Variants in NOP9 observed in about 807,000 individuals in gnomAD.
NOP9 encodes nucleolar protein 9.
Under a neutral mutation model 63.0 loss-of-function variants are expected in NOP9, and 50 were observed. That is an observed-to-expected ratio of 0.79 (90% CI 0.63 to 1.00). The LOEUF (loss-of-function observed/expected upper bound fraction) is 1.00, where lower values mean the gene tolerates loss of function less well. NOP9 is among the 50% of genes least tolerant of loss of function. The pLI is 0.00. For missense variants in NOP9, 758 were observed against 803.0 expected (o/e 0.94, Z 0.68); for synonymous variants, 343 against 332.8 (o/e 1.03, Z -0.33).
At chr14:24,281,719 A>G in the NOP9 span, among the ~76,000 whole-genome samples, 1 of 152,186 alleles carries the variant, frequency 6.6e-6, no homozygotes, top group African/African-American at 2.4e-5. Flanking sequence ...GGCTGGGTGA[A>G]AGAATGAGCA....
the NOP9 span, chr14:24,271,441 C>T: frequency 5.8e-5 from 15 of 256,502 alleles, no homozygotes; most frequent in East Asian, 7.5e-4. Flanking sequence ...GCTACCCGCC[C>T]GTCCCACGGC....
At chr14:24,277,769 G>A in the NOP9 span, among the ~76,000 whole-genome samples, 8 of 152,142 alleles carry the variant, frequency 5.3e-5, no homozygotes, top group East Asian at 5.8e-4. Context: ...GGAGGAGGGT[G>A]GAAGGAGGCA....
rs750266825 is a variant in NOP9 at position 24,307,405 on chromosome 14, A to G, written c.*2310A>G. 38 of 1,613,764 alleles carry G rather than the reference A, an allele frequency of 2.4e-5. No homozygotes were observed. Among genetic ancestry groups the G allele is most frequent in the East Asian group, 2.2e-5 (1 of 44,870 alleles). On this transcript the variant is annotated 3_prime_UTR_variant, in exon 10 of 10. Transcript: ENST00000267425. ...CAGCTCCTGGCGGGTGGCAGCTGTCAGGCCTTTCCGGATGGTCCGCTTGTG... is the reference window on the plus strand; with the variant it reads ...CAGCTCCTGGCGGGTGGCAGCTGTCGGGCCTTTCCGGATGGTCCGCTTGTG...
upstream of NOP9, among the ~76,000 whole-genome samples, chr14:24,296,085 G>C (rs1233337833): frequency 1.3e-5 from 2 of 152,230 alleles, no homozygotes; most frequent in African/African-American, 2.4e-5. Flanking sequence ...GCCTGTGGGT[G>C]TGGAGTGAGG....
At chr14:24,298,372 G>A (rs903561860), upstream of NOP9, among the ~76,000 whole-genome samples, 1 of 152,150 alleles carries the variant, frequency 6.6e-6, no homozygotes, top group Admixed American at 6.5e-5. Context: ...TCTTTGAAGA[G>A]CAGAAATTAG....
At chr14:24,291,015 G>A in the NOP9 span, 1 of 1,613,900 alleles carries the variant, frequency 6.2e-7, no homozygotes, top group Non-Finnish European at 8.5e-7. Flanking sequence ...ACAGGAGGAG[G>A]AGGATTAGAT....
In NOP9 at chr14:24,308,327, CAG is replaced by C. The variant is rs145147638; in HGVS notation, c.*3235_*3236del. ...AGCTTTAGGAAAAGGGAACCCGGGGCAGAGTGTGGGGAAGTGGGATGGCAGCA... is the reference window on the plus strand; with the variant it reads ...AGCTTTAGGAAAAGGGAACCCGGGGCAGTGTGGGGAAGTGGGATGGCAGCA... On this transcript the variant is annotated 3_prime_UTR_variant, in exon 10 of 10. Coordinates refer to ENST00000267425, the MANE Select transcript of NOP9 (RefSeq NM_174913.3). 188 of 222,248 alleles carry C rather than the reference CAG, an allele frequency of 8.5e-4. No individual in the cohort carries two copies. Among genetic ancestry groups the C allele is most frequent in the African/African-American group, 4.1e-3 (181 of 43,758 alleles). The allele number at this position is 222,248 out of a possible 1,614,324, so 13.8% of individuals were successfully genotyped here.
the NOP9 span, among the ~76,000 whole-genome samples, chr14:24,280,523 T>C: frequency 1.3e-5 from 2 of 152,188 alleles, no homozygotes; most frequent in Admixed American, 6.5e-5. Flanking sequence ...CTGCATTTCC[T>C]CTCACCTAGC....
intron 2 of NOP9, among the ~76,000 whole-genome samples, chr14:24,301,182 C>G (rs909232991): frequency 6.6e-6 from 1 of 152,038 alleles, no homozygotes; most frequent in African/African-American, 2.4e-5. Context: ...GAAACTATAC[C>G]CTTACTACAT....
intron 2 of NOP9, 91 bp downstream of exon 2, chr14:24,300,948 G>T: frequency 9.4e-7 from 1 of 1,063,872 alleles, no homozygotes; most frequent in South Asian, 1.6e-5. Flanking sequence ...AGTCTTCATG[G>T]GGGAGCTTGA....
rs1054480377 is a variant in NOP9 at position 24,299,877 on chromosome 14, A to G, written c.-78A>G. On this transcript the variant is annotated 5_prime_UTR_variant, in exon 1 of 10. It adds an upstream start codon to the 5' untranslated region. Transcript: ENST00000267425. ...CCGCGTTTCTAAACTTTGTCTGGAT[A>G]AGGCGCACGCTTGGCGACGTCGAAG... 8 of 1,473,970 alleles carry G rather than the reference A, an allele frequency of 5.4e-6. No homozygotes were observed. The East Asian group carries it at 1.4e-4, about 26-fold the overall frequency. 91.3% of individuals were successfully genotyped at this position (1,473,970 alleles called of 1,614,324 possible).
At chr14:24,291,748 G>A in the NOP9 span, 5 of 1,045,938 alleles carry the variant, frequency 4.8e-6, no homozygotes, top group Admixed American at 8.9e-5. Flanking sequence ...AAGACCTCAA[G>A]CAGGGCCTGT....
chr14:24,274,669 T>C, the NOP9 span, among the ~76,000 whole-genome samples: 1 of 150,600 alleles, frequency 6.6e-6, no homozygotes, highest in South Asian at 2.1e-4. Flanking sequence ...GGAGTAGTGG[T>C]GCGGTGTCTG....
At chr14:24,291,288 T>G in the NOP9 span, 258 of 1,510,844 alleles carry the variant, frequency 1.7e-4, no homozygotes, top group Non-Finnish European at 2.3e-4. Context: ...TTGGGCCCAG[T>G]TGGACAGGGC....
At chr14:24,279,808 C>T in the NOP9 span, among the ~76,000 whole-genome samples, 1 of 152,162 alleles carries the variant, frequency 6.6e-6, no homozygotes, top group South Asian at 2.1e-4. Context: ...CAGGGGGCAC[C>T]ATCACATTCG....
chr14:24,289,789 T>C, the NOP9 span, among the ~76,000 whole-genome samples: 1 of 152,194 alleles, frequency 6.6e-6, no homozygotes, highest in African/African-American at 2.4e-5. Flanking sequence ...AATGAGGACT[T>C]AGAAGAGATG....
In NOP9 at chr14:24,305,541, C is replaced by T. The variant is rs190415104; in HGVS notation, c.*446C>T. On this transcript the variant is annotated 3_prime_UTR_variant, in exon 10 of 10. Coordinates refer to ENST00000267425, the MANE Select transcript of NOP9 (RefSeq NM_174913.3). ...GGGGAAATTGGGTGGGTTATCTAGC[C>T]TGTACTGTCTGCAGGTCCTGAAATT... is the stretch of plus-strand genomic sequence containing the variant. 9.3e-6 allele frequency: 14 copies of T among 1,504,712 alleles called. No homozygotes were observed. Among genetic ancestry groups the T allele is most frequent in the African/African-American group, 2.8e-5 (2 of 71,842 alleles). 93.2% of individuals were successfully genotyped at this position (1,504,712 alleles called of 1,614,324 possible).
At chr14:24,292,316 A>G in the NOP9 span, 1 of 1,614,036 alleles carries the variant, frequency 6.2e-7, no homozygotes, top group Non-Finnish European at 8.5e-7. Flanking sequence ...CACAGTCAGC[A>G]GCCAGCTTGT....
Position 24,305,418 on chromosome 14 carries a change from G to C in NOP9, c.*323G>C, listed in dbSNP as rs915223882. 4 of 623,442 alleles carry C rather than the reference G, an allele frequency of 6.4e-6. No individual in the cohort carries two copies. Among genetic ancestry groups the C allele is most frequent in the African/African-American group, 5.6e-5 (3 of 53,942 alleles). 38.6% of individuals were successfully genotyped at this position (623,442 alleles called of 1,614,324 possible). On this transcript the variant is annotated 3_prime_UTR_variant, in exon 10 of 10. Coordinates refer to ENST00000267425, the MANE Select transcript of NOP9 (RefSeq NM_174913.3). ...TCAGGGCAAGTGGGAGGCCAGAAAG[G>C]TGGCTAGGAAAGAACAGCATTCTTC... is the stretch of plus-strand genomic sequence containing the variant.
Sources: gnomAD v4.1 joint callset for allele counts (sites outside exome capture counted in the v4.1 genomes callset) on GRCh38, gnomAD v4.1.1 for gene constraint, MANE v1.5 for transcripts, NCBI Gene and HGNC (gene_info 2026-07-23, HGNC 2026-07-21) for gene names.